Variants in MGAT4C observed in about 807,000 individuals in gnomAD.
The protein encoded by MGAT4C is alpha-1,3-mannosyl-glycoprotein 4-beta-N-acetylglucosaminyltransferase C.
A neutral mutation model predicts 40.1 loss-of-function variants in MGAT4C; 19 were observed. That is an observed-to-expected ratio of 0.47 (90% CI 0.33 to 0.70). The LOEUF (loss-of-function observed/expected upper bound fraction) is 0.70, where lower values mean the gene tolerates loss of function less well. Among genes scored for constraint, MGAT4C ranks in the 30% least tolerant of loss-of-function variants. The pLI is 0.02. For missense variants in MGAT4C, 491 were observed against 563.2 expected (o/e 0.87, Z 1.30); for synonymous variants, 181 against 187.1 (o/e 0.97, Z 0.27).
intron 1 of MGAT4C, among the ~76,000 whole-genome samples, chr12:86,184,762 A>C (rs1437424194): frequency 2.7e-5 from 4 of 150,746 alleles, no homozygotes; most frequent in South Asian, 4.2e-4. Context: ...AAAAAAAAAA[A>C]AACTATGGGA....
intron 1 of MGAT4C, among the ~76,000 whole-genome samples, chr12:86,158,173 G>A (rs762932795): frequency 8.6e-5 from 13 of 152,024 alleles, no homozygotes; most frequent in Non-Finnish European, 1.8e-4. Context: ...GGATCATAAT[G>A]ATACTCATCT....
intron 4 of MGAT4C, among the ~76,000 whole-genome samples, chr12:86,312,846 G>A (rs531113720): frequency 7.9e-4 from 121 of 152,250 alleles, no homozygotes; most frequent in African/African-American, 2.7e-3. Context: ...TCATTGTAGG[G>A]AAGAGATGAG....
intron 3 of MGAT4C, among the ~76,000 whole-genome samples, chr12:86,366,313 T>A (rs1955595289): frequency 6.6e-6 from 1 of 152,208 alleles, no homozygotes; most frequent in Admixed American, 6.5e-5. Context: ...ATGTATAGAA[T>A]CATATCATCA....
At chr12:86,396,054 T>C (rs1956255963) in intron 3 of MGAT4C, among the ~76,000 whole-genome samples, 1 of 152,138 alleles carries the variant, frequency 6.6e-6, no homozygotes, top group Non-Finnish European at 1.5e-5. Flanking sequence ...TACTATAGAA[T>C]TTTTTCTCCA....
At chr12:86,785,984 T>A (rs1046824051) in intron 1 of MGAT4C, among the ~76,000 whole-genome samples, 1 of 152,058 alleles carries the variant, frequency 6.6e-6, no homozygotes, top group East Asian at 1.9e-4. Flanking sequence ...ATTCCCCAAA[T>A]GTGACACAAC....
intron 1 of MGAT4C, among the ~76,000 whole-genome samples, chr12:86,760,708 A>T (rs1266775818): frequency 6.6e-6 from 1 of 152,084 alleles, no homozygotes; most frequent in East Asian, 1.9e-4. Flanking sequence ...GAAAAGGGGA[A>T]TTCAATTGAA....
At chr12:86,651,109 C>T (rs1418406211) in intron 2 of MGAT4C, among the ~76,000 whole-genome samples, 2 of 151,772 alleles carry the variant, frequency 1.3e-5, no homozygotes, top group African/African-American at 2.4e-5. Flanking sequence ...TGGCATTTAA[C>T]GTTCTAATTA....
chr12:86,624,880 T>A (rs912989942), intron 2 of MGAT4C, among the ~76,000 whole-genome samples: 6 of 152,090 alleles, frequency 3.9e-5, no homozygotes, highest in African/African-American at 1.4e-4. Flanking sequence ...ATAAATATTT[T>A]TTATTTTTAT....
chr12:86,753,178 C>T (rs1339889812), intron 1 of MGAT4C, among the ~76,000 whole-genome samples: 3 of 152,092 alleles, frequency 2.0e-5, no homozygotes, highest in Non-Finnish European at 1.5e-5. Flanking sequence ...AGCAAGGTAA[C>T]ATGTCCATAA....
intron 2 of MGAT4C, among the ~76,000 whole-genome samples, chr12:86,437,386 T>C (rs1288837629): frequency 1.3e-5 from 2 of 151,850 alleles, no homozygotes; most frequent in Non-Finnish European, 2.9e-5. Context: ...AATATGGTTG[T>C]AGGAGTAAAT....
At chr12:86,799,118 T>C (rs1051773938) in intron 1 of MGAT4C, among the ~76,000 whole-genome samples, 5 of 151,858 alleles carry the variant, frequency 3.3e-5, no homozygotes, top group Non-Finnish European at 5.9e-5. Flanking sequence ...TTGATTTTCA[T>C]AAATTTAACC....
At chr12:86,348,661 A>T (rs547313973) in intron 3 of MGAT4C, among the ~76,000 whole-genome samples, 1 of 152,286 alleles carries the variant, frequency 6.6e-6, no homozygotes, top group South Asian at 2.1e-4. Context: ...CATTTTACTC[A>T]TGTAGCTTTC....
intron 4 of MGAT4C, among the ~76,000 whole-genome samples, chr12:86,275,290 G>C (rs554525488): frequency 1.3e-5 from 2 of 152,090 alleles, no homozygotes; most frequent in East Asian, 3.9e-4. Flanking sequence ...TTCAGATAAA[G>C]GTTCCATTTC....
chr12:86,358,649 GA>G (rs1246552494), intron 3 of MGAT4C, among the ~76,000 whole-genome samples: 2 of 151,568 alleles, frequency 1.3e-5, no homozygotes, highest in South Asian at 4.2e-4. Context: ...CAAGGAAATG[GA>G]AAACAAAAAA....
chr12:86,377,334 C>A (rs747876074), intron 3 of MGAT4C, among the ~76,000 whole-genome samples: 43 of 152,188 alleles, frequency 2.8e-4, no homozygotes, highest in Non-Finnish European at 1.0e-4. Flanking sequence ...GCTGGGATTA[C>A]AGGCGTGAGC....
Position 86,649,634 on chromosome 12 carries a change from G to T in MGAT4C, c.-229+77575C>A, listed in dbSNP as rs766119812. Among the ~76,000 whole-genome samples the T allele has an allele frequency of 7.9e-5, 12 of 151,900 alleles. No homozygotes were observed. The East Asian group carries it at 2.1e-3, about 27-fold the overall frequency. ...TACTTTTTATATAAAACTAAGTTGG[G>T]TGTTTTTAAGCTTATCCCTGGCCAA... is the stretch of plus-strand genomic sequence containing the variant. On this transcript the variant is annotated intron_variant, in intron 2 of 7. Coordinates refer to the MGAT4C transcript ENST00000548651.
intron 1 of MGAT4C, among the ~76,000 whole-genome samples, chr12:86,127,791 T>C (rs559367816): frequency 6.6e-6 from 1 of 152,304 alleles, no homozygotes; most frequent in Non-Finnish European, 1.5e-5. Context: ...CGCAGTGTTT[T>C]CCAGCTCCAC....
At chr12:86,728,464 G>T (rs1246293862) in intron 1 of MGAT4C, among the ~76,000 whole-genome samples, 1 of 152,220 alleles carries the variant, frequency 6.6e-6, no homozygotes, top group Non-Finnish European at 1.5e-5. Flanking sequence ...TCTGAGGCTG[G>T]TGAATTACCG....
intron 1 of MGAT4C, among the ~76,000 whole-genome samples, chr12:86,779,837 C>T (rs1391971154): frequency 2.0e-5 from 3 of 151,938 alleles, no homozygotes; most frequent in Non-Finnish European, 4.4e-5. Context: ...GGCGTGAACC[C>T]AGGAGGTGGA....
Sources: gnomAD v4.1 joint callset for allele counts (sites outside exome capture counted in the v4.1 genomes callset) on GRCh38, gnomAD v4.1.1 for gene constraint, MANE v1.5 for transcripts, NCBI Gene and HGNC (gene_info 2026-07-23, HGNC 2026-07-21) for gene names.